The following MYRFL variants were observed in gnomAD, a reference collection of about 807,000 sequenced individuals.
MYRFL encodes the protein myelin regulatory factor like.
A neutral mutation model predicts 109.4 loss-of-function variants in MYRFL; 88 were observed. That is an observed-to-expected ratio of 0.80 (90% CI 0.68 to 0.96). The LOEUF (loss-of-function observed/expected upper bound fraction) is 0.96, where lower values mean the gene tolerates loss of function less well. MYRFL is among the 40% of genes least tolerant of loss of function. The pLI is 0.00. For missense variants in MYRFL, 957 were observed against 954.9 expected (o/e 1.00, Z -0.03); for synonymous variants, 324 against 320.9 (o/e 1.01, Z -0.10).
intron 5 of MYRFL, among the ~76,000 whole-genome samples, chr12:69,883,980 G>A (rs922016666): frequency 1.3e-5 from 2 of 152,134 alleles, no homozygotes; most frequent in Admixed American, 1.3e-4. Context: ...GTGTTAGATT[G>A]TAGGATAGTG....
At chr12:69,921,874 G>A (rs1954925060) in intron 13 of MYRFL, among the ~76,000 whole-genome samples, 1 of 152,182 alleles carries the variant, frequency 6.6e-6, no homozygotes, top group African/African-American at 2.4e-5. Context: ...TGAAAGTCCT[G>A]TTGAGGAAAA....
chr12:69,935,345 A>C (rs1403319479), intron 16 of MYRFL, among the ~76,000 whole-genome samples: 1 of 151,914 alleles, frequency 6.6e-6, no homozygotes, highest in Non-Finnish European at 1.5e-5. Flanking sequence ...AGTGCTGTAA[A>C]GCCATCAGCA....
intron 9 of MYRFL, among the ~76,000 whole-genome samples, chr12:69,896,360 T>G (rs1196566632): frequency 1.3e-5 from 2 of 152,180 alleles, no homozygotes; most frequent in South Asian, 4.1e-4. Flanking sequence ...CTGATTTACT[T>G]TAGATGCAGA....
chr12:69,873,828 T>C (rs527341655), intron 2 of MYRFL, among the ~76,000 whole-genome samples: 1 of 127,080 alleles, frequency 7.9e-6, no homozygotes, highest in South Asian at 2.9e-4. Context: ...GTCTGACATT[T>C]AATTATTTGT....
chr12:69,877,995 C>A (rs900470930), intron 2 of MYRFL, among the ~76,000 whole-genome samples: 1 of 152,176 alleles, frequency 6.6e-6, no homozygotes, highest in African/African-American at 2.4e-5. Flanking sequence ...GTAATCCCTA[C>A]ATTTTGGGAG....
intron 2 of MYRFL, among the ~76,000 whole-genome samples, chr12:69,871,272 G>A (rs1444575115): frequency 1.5e-5 from 2 of 131,966 alleles, no homozygotes; most frequent in Admixed American, 9.5e-5. Context: ...TTGCTCTGTC[G>A]CCCAGGCTGG....
chr12:69,913,385 T>C (rs1490234463), intron 13 of MYRFL, among the ~76,000 whole-genome samples: 4 of 152,190 alleles, frequency 2.6e-5, no homozygotes, highest in Non-Finnish European at 5.9e-5. Context: ...CCAAATCCAA[T>C]ATTGTAAAGA....
At chr12:69,846,124 T>C (rs1883522915) in intron 1 of MYRFL, among the ~76,000 whole-genome samples, 1 of 147,880 alleles carries the variant, frequency 6.8e-6, no homozygotes, top group South Asian at 2.2e-4. Flanking sequence ...TTTTTTTTTT[T>C]TTTTTTTTTA....
intron 1 of MYRFL, among the ~76,000 whole-genome samples, chr12:69,835,985 G>A (rs537983374): frequency 6.6e-6 from 1 of 152,226 alleles, no homozygotes; most frequent in Non-Finnish European, 1.5e-5. Flanking sequence ...AAGGACAAGA[G>A]GGCTTTCTTT....
Position 69,910,894 on chromosome 12 carries a change from C to CACCTT in MYRFL, c.1566_1567insACCTT (p.Gly523ThrfsTer22), listed in dbSNP as rs1566018965. On this transcript the variant is annotated frameshift_variant, in exon 13 of 25. Coordinates refer to ENST00000552032, the MANE Select transcript of MYRFL (RefSeq NM_182530.3). LOFTEE classifies it high-confidence loss of function. ...AGGTTGGTGATGTCACCTGCGGAAA[C>CACCTT]GGAGAGACCTTGGAGAACTTCCTCA... The CACCTT allele has an allele frequency of 1.3e-6, 2 of 1,535,086 alleles. No individual in the cohort carries two copies. The highest frequency in any genetic ancestry group is 4.9e-5 in the East Asian group (2 of 40,882).
intron 1 of MYRFL, among the ~76,000 whole-genome samples, chr12:69,828,807 G>A (rs979261886): frequency 6.6e-6 from 1 of 151,944 alleles, no homozygotes; most frequent in African/African-American, 2.4e-5. Flanking sequence ...CTCTTAATTT[G>A]TACTATCTTG....
chr12:69,880,951 G>GTTTTTTTTTTGTT lies in MYRFL; in HGVS notation c.556+669_556+670insGTTTTTTTTTTTT, dbSNP rs1886050618. 2.7e-5 allele frequency among the ~76,000 whole-genome samples: 3 copies of GTTTTTTTTTTGTT among 112,626 alleles called. 1 individual carries two copies. The highest frequency in any genetic ancestry group is 3.6e-5 in the Non-Finnish European group (2 of 55,772). 73.9% of individuals were successfully genotyped at this position (112,626 alleles called of 152,430 possible). On this transcript the variant is annotated intron_variant, in intron 5 of 24. Transcript: ENST00000552032. ...TAATGTCCAAGCGGTCAGCCTTCCT[G>GTTTTTTTTTTGTT]TTTTTTTTTTTTTTTTTTGTCTTAT...
chr12:69,917,630 C>T (rs559360092), intron 13 of MYRFL, among the ~76,000 whole-genome samples: 4 of 152,122 alleles, frequency 2.6e-5, no homozygotes, highest in Non-Finnish European at 5.9e-5. Context: ...ATTGTATTGC[C>T]ATTCTCTTTC....
Position 69,958,549 on chromosome 12 carries a change from A to ACTT in MYRFL, c.*19_*21dup, listed in dbSNP as rs780199506. 6.7e-7 allele frequency: 1 copy of ACTT among 1,500,338 alleles called. No individual in the cohort carries two copies. Among genetic ancestry groups the ACTT allele is most frequent in the South Asian group, 1.3e-5 (1 of 79,140 alleles). The allele number at this position is 1,500,338 out of a possible 1,614,324, so 92.9% of individuals were successfully genotyped here. A position where few individuals can be genotyped will look rare whatever the true frequency, so the allele number is the denominator to read the frequency against. ...GTGCCTAATTTGTTCAAGTTTGGGGACTTTACCAAAGAAAAATACTCAGGA... is the reference window on the plus strand; with the variant it reads ...GTGCCTAATTTGTTCAAGTTTGGGGACTTCTTTACCAAAGAAAAATACTCAGGA... On this transcript the variant is annotated 3_prime_UTR_variant, in exon 25 of 25. Transcript: ENST00000552032.
Position 69,826,591 on chromosome 12 carries a change from T to G in MYRFL, c.46+1028T>G, listed in dbSNP as rs947619393. ...TTTTTTGAAAGAGCTTTTATTTCTATGGGATCCCTATACTGTCCTTGTTTA... is the reference window on the plus strand; with the variant it reads ...TTTTTTGAAAGAGCTTTTATTTCTAGGGGATCCCTATACTGTCCTTGTTTA... On this transcript the variant is annotated intron_variant, in intron 1 of 24. Transcript: ENST00000552032. 1.8e-4 allele frequency among the ~76,000 whole-genome samples: 27 copies of G among 152,228 alleles called. 1 individual carries two copies. Among genetic ancestry groups the G allele is most frequent in the Admixed American group, 1.8e-3 (27 of 15,278 alleles).
intron 1 of MYRFL, among the ~76,000 whole-genome samples, chr12:69,838,829 A>G (rs1470579517): frequency 6.6e-6 from 1 of 152,234 alleles, no homozygotes; most frequent in Non-Finnish European, 1.5e-5. Context: ...TGTGAACTTG[A>G]TAATGTACTA....
chr12:69,868,813 A>G (rs774519538), intron 2 of MYRFL, among the ~76,000 whole-genome samples: 3 of 152,252 alleles, frequency 2.0e-5, no homozygotes, highest in Admixed American at 6.5e-5. Flanking sequence ...CCATTGGAGC[A>G]CTATGGAGTG....
intron 1 of MYRFL, among the ~76,000 whole-genome samples, chr12:69,854,364 AGAGG>A: frequency 6.6e-6 from 1 of 150,908 alleles, no homozygotes; most frequent in Non-Finnish European, 1.5e-5. Flanking sequence ...AGGGAGAGGG[AGAGG>A]GAGAGGGAGA....
chr12:69,849,218 T>C (rs1883741713), intron 1 of MYRFL, among the ~76,000 whole-genome samples: 1 of 152,262 alleles, frequency 6.6e-6, no homozygotes, highest in Admixed American at 6.5e-5. Flanking sequence ...AAACATAATA[T>C]ATATGTGCAT....
Sources: allele counts gnomAD v4.1 joint callset (sites outside exome capture counted in the v4.1 genomes callset), GRCh38; gene constraint gnomAD v4.1.1; transcripts MANE v1.5; gene names NCBI Gene and HGNC (gene_info 2026-07-23, HGNC 2026-07-21).